The following FHIP1A variants were observed in gnomAD, a reference collection of about 807,000 sequenced individuals.
FHIP1A encodes the protein FHF complex subunit HOOK-interacting protein 1A.
In FHIP1A, 61 loss-of-function variants were observed where a neutral mutation model predicts 88.6. That is an observed-to-expected ratio of 0.69 (90% confidence interval 0.56 to 0.85). The LOEUF (loss-of-function observed/expected upper bound fraction) is 0.85, where lower values mean the gene tolerates loss of function less well. FHIP1A is among the 40% of genes least tolerant of loss of function. The pLI is 0.00. For synonymous variants in FHIP1A, 478 were observed against 496.0 expected, an observed-to-expected ratio of 0.96 and a Z score of 0.48; for missense variants, 1,154 against 1,273.5, an observed-to-expected ratio of 0.91 and a Z score of 1.43.
intron 1 of FHIP1A, among the ~76,000 whole-genome samples, chr4:151,424,017 T>G (rs928411115): frequency 2.0e-5 from 3 of 152,186 alleles, no homozygotes; most frequent in African/African-American, 7.2e-5. Context: ...GAGGTAGTTC[T>G]CAGGGAAGCC....
chr4:151,565,857 A>C (rs183633082), intron 3 of FHIP1A, among the ~76,000 whole-genome samples: 1 of 152,002 alleles, frequency 6.6e-6, no homozygotes, highest in South Asian at 2.1e-4. Flanking sequence ...AGTGCTTTAG[A>C]ATAGTAATTT....
chr4:151,411,161 T>C (rs972285964), intron 1 of FHIP1A, among the ~76,000 whole-genome samples: 1 of 152,184 alleles, frequency 6.6e-6, no homozygotes, highest in African/African-American at 2.4e-5. Flanking sequence ...GATGCATTGC[T>C]GGACAGTTCT....
intron 3 of FHIP1A, among the ~76,000 whole-genome samples, chr4:151,526,726 A>T (rs1731673033): frequency 6.6e-6 from 1 of 150,390 alleles, no homozygotes; most frequent in Admixed American, 6.6e-5. Flanking sequence ...CACTTCCCAG[A>T]CGGGGCGGCT....
At chr4:151,600,582 A>C (rs1053261150) in intron 7 of FHIP1A, among the ~76,000 whole-genome samples, 1 of 152,174 alleles carries the variant, frequency 6.6e-6, no homozygotes, top group Admixed American at 6.5e-5. Flanking sequence ...GCCATTGGTT[A>C]TTAGTATAAA....
chr4:151,529,354 C>G (rs997521137), intron 3 of FHIP1A, among the ~76,000 whole-genome samples: 6 of 152,200 alleles, frequency 3.9e-5, no homozygotes, highest in African/African-American at 1.4e-4. Flanking sequence ...TAGCCTGCTA[C>G]TCTCTGAGTT....
At chr4:151,615,767 T>C (rs1019819025) in intron 7 of FHIP1A, among the ~76,000 whole-genome samples, 5 of 152,208 alleles carry the variant, frequency 3.3e-5, no homozygotes, top group Admixed American at 6.5e-5. Flanking sequence ...ACAATACAGA[T>C]TTTTTATGTA....
intron 3 of FHIP1A, among the ~76,000 whole-genome samples, chr4:151,561,092 C>T (rs1198741665): frequency 6.6e-6 from 1 of 151,996 alleles, no homozygotes; most frequent in East Asian, 1.9e-4. Context: ...AGGATTGTTT[C>T]GTGGGATTAT....
intron 7 of FHIP1A, among the ~76,000 whole-genome samples, chr4:151,606,592 T>C (rs1199515903): frequency 6.6e-6 from 1 of 152,250 alleles, no homozygotes; most frequent in African/African-American, 2.4e-5. Flanking sequence ...TTTTGATATC[T>C]GCATTTCATA....
rs866890277 is a variant in FHIP1A, at chr4:151,412,741, A to G, written c.-356+3276A>G. On this transcript the variant is annotated intron_variant, in intron 1 of 13. Transcript: ENST00000435205. ...CTCTTGTTGCCTAGGCTGGAGTGCA[A>G]TGGCGTGATCTCAGCTCACCGCAAC... 3.5e-5 allele frequency among the ~76,000 whole-genome samples: 5 copies of G among 144,228 alleles called. No homozygotes were observed. The South Asian group carries it at 1.1e-3, about 32-fold the overall frequency. 94.6% of individuals were successfully genotyped at this position (144,228 alleles called of 152,430 possible).
chr4:151,425,285 G>A (rs6851814), intron 1 of FHIP1A, among the ~76,000 whole-genome samples: 79,063 of 151,940 alleles, frequency 0.52, 20,871 homozygotes, highest in African/African-American at 0.55. Flanking sequence ...CAGAGTGTAG[G>A]AATTTCTACA....
rs891382149 is a variant in FHIP1A, at chr4:151,647,043, G to A, written c.1417+295G>A. 5.3e-5 allele frequency among the ~76,000 whole-genome samples: 8 copies of A among 152,314 alleles called. No individual in the cohort carries two copies. The East Asian group carries it at 1.4e-3, about 26-fold the overall frequency. On this transcript the variant is annotated intron_variant, in intron 10 of 13. Transcript: ENST00000435205. ...TGTGCTAGCATGTCTTCGGAAACAA[G>A]ACGGGGGTGAGAGGTGTGGAGATGG... is the stretch of plus-strand genomic sequence containing the variant.
At chr4:151,625,752 A>G (rs1245259570) in intron 7 of FHIP1A, among the ~76,000 whole-genome samples, 1 of 152,150 alleles carries the variant, frequency 6.6e-6, no homozygotes, top group African/African-American at 2.4e-5. Context: ...CATTTTGCCT[A>G]TTTCTGGGAA....
intron 1 of FHIP1A, among the ~76,000 whole-genome samples, chr4:151,422,290 G>A (rs917044905): frequency 2.6e-5 from 4 of 151,086 alleles, no homozygotes; most frequent in Non-Finnish European, 5.9e-5. Context: ...TGATAATCTT[G>A]GCTATATATC....
rs568885503 is a variant in FHIP1A at position 151,509,699 on chromosome 4, C to T, written c.-123+27051C>T. On this transcript the variant is annotated intron_variant, in intron 3 of 13. Transcript: ENST00000435205. ...CTGCACCTCAGACGCCTCCTTTGTTCATTCCACATTCCTTTCCCGTTGAGC... is the reference window on the plus strand; with the variant it reads ...CTGCACCTCAGACGCCTCCTTTGTTTATTCCACATTCCTTTCCCGTTGAGC... Among the ~76,000 whole-genome samples, 6 of 152,100 alleles carry T rather than the reference C, an allele frequency of 3.9e-5. No homozygotes were observed. The South Asian group carries it at 1.2e-3, about 32-fold the overall frequency.
intron 2 of FHIP1A, 79 bp from the exon 3 acceptor site, chr4:151,482,445 A>G (rs1323616943): frequency 6.6e-6 from 1 of 151,978 alleles, no homozygotes; most frequent in South Asian, 2.1e-4. Context: ...TGTAGTGGTA[A>G]ATGCGAGCGG....
chr4:151,585,752 A>G (rs758846949), intron 5 of FHIP1A, among the ~76,000 whole-genome samples: 1 of 152,180 alleles, frequency 6.6e-6, no homozygotes, highest in African/African-American at 2.4e-5. Context: ...GACAGTTTTG[A>G]GTTCTTACCC....
intron 3 of FHIP1A, among the ~76,000 whole-genome samples, chr4:151,512,821 G>A (rs557731328): frequency 4.3e-4 from 65 of 152,284 alleles, no homozygotes; most frequent in East Asian, 2.1e-3. Flanking sequence ...CAAGTCTACC[G>A]CTGATTGGTG....
chr4:151,415,095 T>C (rs1464433971), intron 1 of FHIP1A, among the ~76,000 whole-genome samples: 1 of 152,188 alleles, frequency 6.6e-6, no homozygotes, highest in Non-Finnish European at 1.5e-5. Flanking sequence ...ACCTTGAAAA[T>C]GTTTTTATGA....
At chr4:151,508,727 C>T (rs556910607) in intron 3 of FHIP1A, among the ~76,000 whole-genome samples, 3 of 152,308 alleles carry the variant, frequency 2.0e-5, no homozygotes, top group Non-Finnish European at 4.4e-5. Context: ...CCCACTGAGT[C>T]CTGGAACCAG....
Sources: gnomAD v4.1 joint callset for allele counts (sites outside exome capture counted in the v4.1 genomes callset) on GRCh38, gnomAD v4.1.1 for gene constraint, MANE v1.5 for transcripts, NCBI Gene and HGNC (gene_info 2026-07-23, HGNC 2026-07-21) for gene names.